The following HTT variants were observed in gnomAD, a reference collection of about 807,000 sequenced individuals.
HTT encodes huntingtin.
In HTT, 104 loss-of-function variants were observed where a neutral mutation model predicts 362.3. That is an observed-to-expected ratio of 0.29 (90% CI 0.24 to 0.34). The LOEUF (loss-of-function observed/expected upper bound fraction) is 0.34, where lower values mean the gene tolerates loss of function less well. Among genes scored for constraint, HTT ranks in the 10% least tolerant of loss-of-function variants. The pLI, the probability that HTT is intolerant of heterozygous loss-of-function variation, is 1.00. For synonymous variants in HTT, 1,577 were observed against 1,548.7 expected (o/e 1.02, Z -0.43); for missense variants, 3,301 against 3,928.6 (o/e 0.84, Z 4.27).
At chr4:3,177,432 A>G in intron 34 of HTT, 45 bp downstream of exon 34, 2 of 1,272,168 alleles carry the variant, frequency 1.6e-6, no homozygotes, top group Non-Finnish European at 1.1e-6. Context: ...CTTCTTGTGT[A>G]CTTACATGTA....
Position 3,131,352 on chromosome 4 carries a change from G to T in HTT, c.2053G>T (p.Val685Phe). 4 of 1,614,042 alleles carry T rather than the reference G, an allele frequency of 2.5e-6. No individual in the cohort carries two copies. The highest frequency in any genetic ancestry group is 3.4e-6 in the Non-Finnish European group (4 of 1,179,990). The change falls in exon 15 of 67, where the codon GTC (valine) becomes TTC (phenylalanine). Residue 685 changes from valine to phenylalanine, a missense_variant. Physicochemically the swap from Val to Phe is conservative, Grantham distance 50 (BLOSUM62 -1). Around this residue, in one of 4 missense-constraint regions of HTT, gnomAD observed 2,316 missense variants for 2,658.5 expected, o/e 0.87. Transcript: ENST00000355072. ...DDDSAPLVHCVRLLSASFLLT... is the reference protein window; with the variant it reads ...DDDSAPLVHCFRLLSASFLLT... ...TGACTCTGCACCTCTTGTCCATTGTGTCCGCCTTTTATCTGCTTCGTTTTT... is the reference window on the plus strand; with the variant it reads ...TGACTCTGCACCTCTTGTCCATTGTTTCCGCCTTTTATCTGCTTCGTTTTT...
At chr4:3,203,568 T>G (rs927082253) in intron 41 of HTT, among the ~76,000 whole-genome samples, 9 of 152,178 alleles carry the variant, frequency 5.9e-5, no homozygotes, top group Non-Finnish European at 1.3e-4. Context: ...CATCAACATG[T>G]TTAGAGTGGT....
At chr4:3,238,329 C>T in intron 64 of HTT, 118 bp from the exon 65 acceptor site, 5 of 711,044 alleles carry the variant, frequency 7.0e-6, no homozygotes, top group Non-Finnish European at 1.1e-5. Flanking sequence ...CCGAGGGTCC[C>T]TCCCAGCCCT....
At position 3,140,525 on chromosome 4, in the gene HTT, G is replaced by C; in HGVS notation, c.2814G>C (p.Leu938=). ...TTTGTGTTAGGCTTGTCCCAAAGCT[G>C]TTTTATAAATGTGACCAAGGACAAG... ...AASLIRLVPK[L]FYKCDQGQAD... is the part of the protein sequence containing the mutation. The change falls in exon 22 of 67, where the codon CTG becomes CTC. Residue 938 remains leucine (L), a synonymous_variant. Transcript: ENST00000355072. The C allele has an allele frequency of 3.1e-6, 5 of 1,614,148 alleles. No individual in the cohort carries two copies. The South Asian group carries it at 5.5e-5, about 18-fold the overall frequency.
intron 65 of HTT, 88 bp from the exon 66 acceptor site, chr4:3,238,730 G>GGGCCCCCCCCCC: frequency 1.2e-4 from 127 of 1,096,904 alleles, no homozygotes; most frequent in Non-Finnish European, 1.5e-4. Context: ...AATGCCTCTG[G>GGGCCCCCCCCCC]CCCCCACCCC....
At chr4:3,221,993 C>G (rs994730232) in intron 53 of HTT, among the ~76,000 whole-genome samples, 1 of 152,254 alleles carries the variant, frequency 6.6e-6, no homozygotes, top group Non-Finnish European at 1.5e-5. Flanking sequence ...TGCACAGTCT[C>G]AGGGCTGGAC....
chr4:3,108,299 T>C (rs1236913134), intron 6 of HTT, among the ~76,000 whole-genome samples: 2 of 152,258 alleles, frequency 1.3e-5, no homozygotes, highest in African/African-American at 4.8e-5. Flanking sequence ...GAAGTTTTCT[T>C]GTTAATACTA....
intron 1 of HTT, among the ~76,000 whole-genome samples, chr4:3,077,119 A>G (rs1305783835): frequency 6.6e-6 from 1 of 152,166 alleles, no homozygotes; most frequent in Non-Finnish European, 1.5e-5. Flanking sequence ...CAGAGTCTGC[A>G]GTGAGTTGAG....
chr4:3,201,300 G>A (rs1316727251), intron 41 of HTT, among the ~76,000 whole-genome samples: 2 of 152,124 alleles, frequency 1.3e-5, no homozygotes, highest in Non-Finnish European at 2.9e-5. Context: ...AAGCCAAGGC[G>A]GGCAGATCAC....
rs377257139 is a variant in HTT at position 3,130,059 on chromosome 4, A to G, written c.1867+12A>G. The G allele has an allele frequency of 1.3e-4, 209 of 1,589,502 alleles. No individual in the cohort carries two copies. The highest frequency in any genetic ancestry group is 1.7e-4 in the Middle Eastern group (1 of 5,970). The stretch of plus-strand genomic sequence containing the variant: ...GAACTCTTCCATGGGTATGTGGACT[A>G]CAGGTGATGCGCTACAAAGTGGTTT... On this transcript the variant is annotated intron_variant, in intron 13 of 66. Transcript: ENST00000355072.
intron 11 of HTT, 21 bp downstream of exon 11, chr4:3,125,650 G>A (rs1172908265): frequency 7.7e-6 from 12 of 1,550,054 alleles, no homozygotes; most frequent in South Asian, 3.3e-5. Context: ...CTAGTTAGCC[G>A]CTGGTGTGGA....
At position 3,136,100 on chromosome 4, in the gene HTT, T is replaced by A; in HGVS notation, c.2698-126T>A. On this transcript the variant is annotated intron_variant, in intron 20 of 66. Transcript: ENST00000355072. ...TTCACAGTTTATATCATGAAAGTTATAATCTTGTCATATGGATTTAAGTCT... is the reference window on the plus strand; with the variant it reads ...TTCACAGTTTATATCATGAAAGTTAAAATCTTGTCATATGGATTTAAGTCT... 3.3e-5 allele frequency: 30 copies of A among 899,248 alleles called. No individual in the cohort carries two copies. The South Asian group carries it at 5.0e-4, about 15-fold the overall frequency. 55.7% of individuals were successfully genotyped at this position (899,248 alleles called of 1,614,324 possible).
intron 41 of HTT, among the ~76,000 whole-genome samples, chr4:3,203,361 A>G (rs1719679817): frequency 6.6e-6 from 1 of 152,250 alleles, no homozygotes; most frequent in Non-Finnish European, 1.5e-5. Flanking sequence ...TCGCTCGGTC[A>G]GACCCTGAAG....
chr4:3,152,979 C>T (rs1716973856), intron 26 of HTT, among the ~76,000 whole-genome samples: 1 of 152,068 alleles, frequency 6.6e-6, no homozygotes, highest in Admixed American at 6.6e-5. Flanking sequence ...TGCATTTCTT[C>T]CCTGATGCCT....
At chr4:3,178,713 A>G (rs1028444270) in intron 35 of HTT, among the ~76,000 whole-genome samples, 5 of 152,262 alleles carry the variant, frequency 3.3e-5, no homozygotes, top group Admixed American at 6.5e-5. Context: ...TTCTGAATAT[A>G]AAGTTCCTGT....
At chr4:3,221,551 C>T (rs762468491) in intron 53 of HTT, among the ~76,000 whole-genome samples, 34 of 152,202 alleles carry the variant, frequency 2.2e-4, no homozygotes, top group Non-Finnish European at 4.4e-4. Context: ...CCTGCACGCT[C>T]TCCTTCTCTC....
intron 18 of HTT, among the ~76,000 whole-genome samples, chr4:3,133,524 TAAAAA>T (rs59648129): frequency 4.5e-4 from 56 of 125,478 alleles, no homozygotes; most frequent in Non-Finnish European, 4.9e-4. Flanking sequence ...TCAGTTGAAT[TAAAAA>T]AAAAAAAAAA....
chr4:3,179,767 C>T (rs551615982), intron 35 of HTT, among the ~76,000 whole-genome samples: 2 of 133,130 alleles, frequency 1.5e-5, no homozygotes, highest in East Asian at 2.2e-4. Context: ...CATTTGTGAG[C>T]GTATGTGTCA....
Position 3,074,945 on chromosome 4 carries a change from A to ACGGCCG in HTT, c.121_122insGGCCGC (p.Pro40_Pro41insArgPro), listed in dbSNP as rs1553909060. The ACGGCCG allele has an allele frequency of 9.2e-7, 1 of 1,091,326 alleles. No individual in the cohort carries two copies. The highest frequency in any genetic ancestry group is 1.2e-6 in the Non-Finnish European group (1 of 804,578). The allele number at this position is 1,091,326 out of a possible 1,614,324, so 67.6% of individuals were successfully genotyped here. Reference sequence around the variant, plus strand: ...AGCAGCAGCAGCAGCAACAGCCGCCACCGCCGCCGCCGCCGCCGCCGCCTC... The same window carrying ACGGCCG: ...AGCAGCAGCAGCAGCAACAGCCGCCACGGCCGCCGCCGCCGCCGCCGCCGCCGCCTC... On this transcript the variant is annotated inframe_insertion, in exon 1 of 67. Coordinates refer to ENST00000355072, the MANE Select transcript of HTT (RefSeq NM_001388492.1).
Sources: allele counts gnomAD v4.1 joint callset (sites outside exome capture counted in the v4.1 genomes callset), GRCh38; gene constraint gnomAD v4.1.1; regional missense constraint gnomAD v4.1.1; transcripts MANE v1.5; gene names NCBI Gene and HGNC (gene_info 2026-07-23, HGNC 2026-07-21).